DMXL2: variants seen among roughly 807,000 people sequenced by gnomAD.
DMXL2 encodes the protein Dmx like 2, also known as dmX-like protein 2.
DMXL2 carries 103 observed loss-of-function variants against 331.1 expected under a neutral mutation model. The ratio of observed to expected loss-of-function variants is 0.31; its 90% CI spans 0.27 to 0.37. The LOEUF (loss-of-function observed/expected upper bound fraction) is 0.37. DMXL2 is among the 10% of genes least tolerant of loss of function. The pLI is 1.00. For missense variants in DMXL2, 3,171 were observed against 3,642.9 expected (o/e 0.87, Z 3.33); for synonymous variants, 1,281 against 1,252.1 (o/e 1.02, Z -0.49).
At chr15:51,565,207 G>A in intron 3 of DMXL2, 41 bp from the exon 4 acceptor site, 1 of 1,368,814 alleles carries the variant, frequency 7.3e-7, no homozygotes. Flanking sequence ...AAAAGAAAAA[G>A]ATGTTTTTCA....
chr15:51,569,824 A>C (rs2050541566), intron 2 of DMXL2, among the ~76,000 whole-genome samples: 1 of 152,214 alleles, frequency 6.6e-6, no homozygotes, highest in African/African-American at 2.4e-5. Flanking sequence ...TAAATCCATG[A>C]AGATGGGGAG....
intron 16 of DMXL2, among the ~76,000 whole-genome samples, chr15:51,506,614 C>T (rs1021332247): frequency 3.9e-5 from 6 of 151,936 alleles, no homozygotes; most frequent in East Asian, 1.9e-4. Context: ...CCACCACGCC[C>T]GGCTAATTTT....
Position 51,451,743 on chromosome 15 carries a change from A to G in DMXL2, c.8697-46T>C, listed in dbSNP as rs754243829. ...CAAAAATACATCATAAATGATTGTT[A>G]TAAGTCGTCATCAGGGACAACCTGT... On this transcript the variant is annotated intron_variant, in intron 41 of 43. Transcript: ENST00000560891. 1.7e-5 allele frequency: 26 copies of G among 1,520,986 alleles called. No homozygotes were observed. In the East Asian group the frequency reaches 2.0e-4, roughly 12 times the overall value. The allele number at this position is 1,520,986 out of a possible 1,614,324, so 94.2% of individuals were successfully genotyped here.
intron 1 of DMXL2, among the ~76,000 whole-genome samples, chr15:51,588,777 T>C (rs2052058513): frequency 6.6e-6 from 1 of 152,170 alleles, no homozygotes; most frequent in Admixed American, 6.5e-5. Context: ...AAAGAGCATA[T>C]TCCTGAGAAT....
intron 1 of DMXL2, among the ~76,000 whole-genome samples, chr15:51,620,348 G>A (rs564169531): frequency 1.3e-5 from 2 of 152,258 alleles, no homozygotes; most frequent in Admixed American, 1.3e-4. Context: ...TCACAGGCAG[G>A]CATCCTAAAC....
At chr15:51,603,952 G>T (rs2053404006) in intron 1 of DMXL2, among the ~76,000 whole-genome samples, 1 of 151,118 alleles carries the variant, frequency 6.6e-6, no homozygotes, top group Non-Finnish European at 1.5e-5. Context: ...AAACAGTACA[G>T]GAGAAAAAAC....
intron 18 of DMXL2, among the ~76,000 whole-genome samples, chr15:51,496,408 T>C (rs751333435): frequency 1.3e-5 from 2 of 152,156 alleles, no homozygotes; most frequent in Non-Finnish European, 1.5e-5. Context: ...TAAGATGACA[T>C]GCCAGCAGCA....
intron 13 of DMXL2, among the ~76,000 whole-genome samples, chr15:51,526,368 G>C (rs1354772654): frequency 6.6e-6 from 1 of 152,176 alleles, no homozygotes; most frequent in African/African-American, 2.4e-5. Flanking sequence ...CCCCAAAGCA[G>C]ATACAGCTTA....
At chr15:51,616,807 C>T (rs564638942) in intron 1 of DMXL2, among the ~76,000 whole-genome samples, 5 of 151,886 alleles carry the variant, frequency 3.3e-5, no homozygotes, top group South Asian at 2.1e-4. Context: ...CATGGTGGCA[C>T]GCACCTGTAA....
At chr15:51,578,598 C>T (rs2141149857) in intron 1 of DMXL2, among the ~76,000 whole-genome samples, 1 of 152,294 alleles carries the variant, frequency 6.6e-6, no homozygotes, top group South Asian at 2.1e-4. Flanking sequence ...AATAATTTGG[C>T]AATATCTATC....
chr15:51,533,485 C>G (rs1313500018), intron 13 of DMXL2, among the ~76,000 whole-genome samples: 3 of 152,042 alleles, frequency 2.0e-5, no homozygotes, highest in African/African-American at 7.2e-5. Context: ...TGGAGAATGA[C>G]ATCAATAGCA....
chr15:51,590,843 T>A (rs543913888), intron 1 of DMXL2, among the ~76,000 whole-genome samples: 2 of 152,246 alleles, frequency 1.3e-5, no homozygotes, highest in South Asian at 4.2e-4. Flanking sequence ...TGTGCTTATA[T>A]TTTGCTAGGA....
rs74324555 is a variant in DMXL2, at chr15:51,519,618, G to A, written c.2437-2451C>T. ...CAAAATCTCCTTCTTTGCTTCTCTG[G>A]TTTTGACAAAGTCTCTTGTTTTTTT... On this transcript the variant is annotated intron_variant, in intron 13 of 43. Transcript: ENST00000560891. 2.8e-3 allele frequency among the ~76,000 whole-genome samples: 393 copies of A among 140,244 alleles called. 18 individuals carry two copies. In the East Asian group the frequency reaches 0.065, roughly 23 times the overall value. The allele number at this position is 140,244 out of a possible 152,430, so 92.0% of individuals were successfully genotyped here.
At chr15:51,600,793 T>C (rs182213473) in intron 1 of DMXL2, among the ~76,000 whole-genome samples, 1 of 152,198 alleles carries the variant, frequency 6.6e-6, no homozygotes, top group East Asian at 1.9e-4. Context: ...CACCTGGCCA[T>C]AGGTCTGACA....
intron 29 of DMXL2, among the ~76,000 whole-genome samples, chr15:51,467,262 T>G (rs963817384): frequency 6.6e-6 from 1 of 152,088 alleles, no homozygotes; most frequent in African/African-American, 2.4e-5. Context: ...ATGTAATCAA[T>G]AAGGAAATGT....
Position 51,536,391 on chromosome 15 carries a change from T to C in DMXL2, c.2089A>G (p.Lys697Glu). The part of the protein sequence containing the change: ...NKLSRLMDPV[K>E]HIKGSSKQPL... ...TGTTTCGAGGAACCTTTTATATGTT[T>C]TACAGGGTCCATTAATCTACTTAAT... Residue 697 changes from lysine (K) to glutamate (E), a missense_variant, in exon 12 of 44, where the codon AAA (lysine) becomes GAA (glutamate). Coordinates refer to ENST00000560891, the MANE Select transcript of DMXL2 (RefSeq NM_001378457.1). The C allele has an allele frequency of 6.2e-7, 1 of 1,613,766 alleles. No individual in the cohort carries two copies. Among genetic ancestry groups the C allele is most frequent in the Non-Finnish European group, 8.5e-7 (1 of 1,179,866 alleles).
At chr15:51,520,923 G>A (rs1477674658) in intron 13 of DMXL2, among the ~76,000 whole-genome samples, 4 of 152,088 alleles carry the variant, frequency 2.6e-5, no homozygotes, top group South Asian at 4.2e-4. Flanking sequence ...CACCTACAAA[G>A]CAATTCGAGT....
At chr15:51,591,557 C>T (rs1265131227) in intron 1 of DMXL2, among the ~76,000 whole-genome samples, 4 of 152,162 alleles carry the variant, frequency 2.6e-5, no homozygotes, top group Non-Finnish European at 5.9e-5. Flanking sequence ...CTTAAATGTC[C>T]GTCTGACAGC....
chr15:51,568,373 A>G (rs1567129541), intron 3 of DMXL2, 114 bp downstream of exon 3: 6 of 647,458 alleles, frequency 9.3e-6, no homozygotes, highest in Non-Finnish European at 1.5e-5. Context: ...CCAATTTTTC[A>G]CTGATACTCT....
Sources: allele counts gnomAD v4.1 joint callset (sites outside exome capture counted in the v4.1 genomes callset), GRCh38; gene constraint gnomAD v4.1.1; transcripts MANE v1.5; gene names NCBI Gene and HGNC (gene_info 2026-07-23, HGNC 2026-07-21).